The following TRAF2 variants were observed in gnomAD, a reference collection of about 807,000 sequenced individuals.
TRAF2 encodes the protein TNF receptor associated factor 2.
Under a neutral mutation model 55.6 loss-of-function variants are expected in TRAF2, and 6 were observed. The observed-to-expected ratio is 0.11, with a 90% confidence interval of 0.06 to 0.21. TRAF2 has a LOEUF of 0.21. Among genes scored for constraint, TRAF2 ranks in the 10% least tolerant of loss-of-function variants. The pLI, the probability that TRAF2 is intolerant of heterozygous loss-of-function variation, is 1.00. For missense variants in TRAF2, 561 were observed against 684.5 expected, an observed-to-expected ratio of 0.82 and a Z score of 2.01; for synonymous variants, 329 against 276.3, an observed-to-expected ratio of 1.19 and a Z score of -1.89.
chr9:136,882,743 C>G (rs569810101), upstream of TRAF2: 1 of 985,460 alleles, frequency 1.0e-6, no homozygotes, highest in African/African-American at 1.7e-5. Flanking sequence ...GCAAACAAGG[C>G]GAGTCCCCAG....
intron 1 of TRAF2, among the ~76,000 whole-genome samples, chr9:136,896,557 T>C (rs1313651141): frequency 6.6e-6 from 1 of 152,230 alleles, no homozygotes; most frequent in Non-Finnish European, 1.5e-5. Flanking sequence ...TGAACAATCT[T>C]CACTTCAGCT....
At chr9:136,915,302 T>A (rs1850215109) in intron 6 of TRAF2, among the ~76,000 whole-genome samples, 1 of 151,942 alleles carries the variant, frequency 6.6e-6, no homozygotes, top group African/African-American at 2.4e-5. Flanking sequence ...CGCCGTGCGG[T>A]CGTTCAGAAA....
intron 6 of TRAF2, among the ~76,000 whole-genome samples, chr9:136,913,042 C>T (rs1315699710): frequency 6.6e-6 from 1 of 152,088 alleles, no homozygotes; most frequent in Non-Finnish European, 1.5e-5. Context: ...GAAGCTGAGA[C>T]AGGAGAATCG....
intron 6 of TRAF2, among the ~76,000 whole-genome samples, chr9:136,914,315 C>T (rs1328089908): frequency 2.6e-5 from 4 of 152,188 alleles, no homozygotes; most frequent in Non-Finnish European, 5.9e-5. Flanking sequence ...GGCGATCGCA[C>T]CCCCCATTCC....
chr9:136,917,984 C>T (rs913790465), intron 7 of TRAF2, among the ~76,000 whole-genome samples: 4 of 151,896 alleles, frequency 2.6e-5, no homozygotes, highest in East Asian at 1.9e-4. Flanking sequence ...GCTCGCTTCC[C>T]GTTTGCACAA....
At chr9:136,892,189 C>T (rs548160253) in intron 1 of TRAF2, among the ~76,000 whole-genome samples, 49 of 152,094 alleles carry the variant, frequency 3.2e-4, no homozygotes, top group Admixed American at 9.2e-4. Context: ...TAAGGCCAGG[C>T]GCGGTGGCTC....
At chr9:136,918,255 A>ATTTATTTATT (rs1554781766) in intron 7 of TRAF2, among the ~76,000 whole-genome samples, 1 of 23,346 alleles carries the variant, frequency 4.3e-5, no homozygotes, top group East Asian at 3.0e-3. Flanking sequence ...ATATATATAT[A>ATTTATTTATT]TATTTATTTA....
chr9:136,919,421 A>C (rs1012445068), intron 7 of TRAF2, among the ~76,000 whole-genome samples: 7 of 145,550 alleles, frequency 4.8e-5, no homozygotes, highest in Non-Finnish European at 1.0e-4. Flanking sequence ...TCAGCCTCCC[A>C]AGTAGCTGGG....
At chr9:136,915,035 C>T (rs530331920) in intron 6 of TRAF2, among the ~76,000 whole-genome samples, 100 of 152,048 alleles carry the variant, frequency 6.6e-4, no homozygotes, top group Non-Finnish European at 1.1e-3. Flanking sequence ...CAAAATTAGC[C>T]GGGTGTGGTA....
At chr9:136,899,050 A>ATACTCCCTGGAT (rs1377305031) in intron 2 of TRAF2, 122 bp downstream of exon 2, 1 of 949,656 alleles carries the variant, frequency 1.1e-6, no homozygotes. Flanking sequence ...CCAGTTATCG[A>ATACTCCCTGGAT]TACTCCCTGG....
At chr9:136,918,758 C>G (rs1038692505) in intron 7 of TRAF2, among the ~76,000 whole-genome samples, 2 of 150,340 alleles carry the variant, frequency 1.3e-5, no homozygotes, top group African/African-American at 4.9e-5. Context: ...ATTTTTGAGA[C>G]AGAGTCTTGC....
Position 136,899,019 on chromosome 9 carries a change from C to T in TRAF2, c.188+91C>T, listed in dbSNP as rs184608319. Reference sequence around the variant, plus strand: ...CCAGCCTGGTAGCTCCCAGCAGAGCCGGGTCCAGCTTAGATGTGCTCCAGT... The same window carrying T: ...CCAGCCTGGTAGCTCCCAGCAGAGCTGGGTCCAGCTTAGATGTGCTCCAGT... On this transcript the variant is annotated intron_variant, in intron 2 of 10. Coordinates refer to ENST00000247668, the MANE Select transcript of TRAF2 (RefSeq NM_021138.4). 435 of 1,359,292 alleles carry T rather than the reference C, an allele frequency of 3.2e-4. 2 individuals are homozygous for T. The highest frequency in any genetic ancestry group is 2.3e-3 in the Middle Eastern group (9 of 3,888). 84.2% of individuals were successfully genotyped at this position (1,359,292 alleles called of 1,614,324 possible). A position where few individuals can be genotyped will look rare whatever the true frequency, so the allele number is the denominator to read the frequency against.
At chr9:136,886,488 G>T, upstream of TRAF2, 1 of 1,003,166 alleles carries the variant, frequency 1.0e-6, no homozygotes, top group Non-Finnish European at 1.2e-6. Flanking sequence ...CGGCGGCGGC[G>T]TTGGGGGCGG....
At chr9:136,902,157 G>C (rs1305112100) in intron 4 of TRAF2, 1 of 152,286 alleles carries the variant, frequency 6.6e-6, no homozygotes, top group Non-Finnish European at 1.5e-5. Context: ...CTAGGCTCCT[G>C]TGTGGCTCTG....
chr9:136,888,652 T>C (rs970771244), intron 1 of TRAF2, among the ~76,000 whole-genome samples: 9 of 152,330 alleles, frequency 5.9e-5, no homozygotes, highest in Middle Eastern at 6.8e-3. Flanking sequence ...TCTGATTTGA[T>C]GTCATGGTTT....
chr9:136,901,986 G>C (rs1462111146), intron 4 of TRAF2: 1 of 152,326 alleles, frequency 6.6e-6, no homozygotes, highest in Admixed American at 6.5e-5. Context: ...AACTGCCCCA[G>C]CTGTGTCTGG....
upstream of TRAF2, among the ~76,000 whole-genome samples, chr9:136,884,108 C>T (rs1472865250): frequency 1.3e-5 from 2 of 152,070 alleles, no homozygotes; most frequent in East Asian, 2.0e-4. Flanking sequence ...GCCACCGCGC[C>T]CGGCCTTTTG....
At position 136,926,099 on chromosome 9, in the gene TRAF2, C is replaced by CGG. The variant is rs1192762650; in HGVS notation, c.*199_*200dup. 3 of 783,224 alleles carry CGG rather than the reference C, an allele frequency of 3.8e-6. No individual in the cohort carries two copies. The highest frequency in any genetic ancestry group is 3.4e-5 in the African/African-American group (2 of 59,384). 48.5% of individuals were successfully genotyped at this position (783,224 alleles called of 1,614,324 possible). On this transcript the variant is annotated 3_prime_UTR_variant, in exon 11 of 11. Transcript: ENST00000247668. Reference sequence around the variant, plus strand: ...GCCAGTCCTCAGATTTCAGAGACTGCGGAGGGGCTTGGCAGACGGTCTTAG... The same window carrying CGG: ...GCCAGTCCTCAGATTTCAGAGACTGCGGGGAGGGGCTTGGCAGACGGTCTTAG...
At chr9:136,912,095 TG>T (rs1304227304) in intron 6 of TRAF2, among the ~76,000 whole-genome samples, 3 of 150,120 alleles carry the variant, frequency 2.0e-5, no homozygotes, top group African/African-American at 7.3e-5. Context: ...CCTCGTGATC[TG>T]CCCACCTCGG....
Sources: gnomAD v4.1 joint callset for allele counts (sites outside exome capture counted in the v4.1 genomes callset) on GRCh38, gnomAD v4.1.1 for gene constraint, MANE v1.5 for transcripts, NCBI Gene and HGNC (gene_info 2026-07-23, HGNC 2026-07-21) for gene names.